The following RNF138 variants were observed in gnomAD, a reference collection of about 807,000 sequenced individuals.
RNF138 encodes E3 ubiquitin-protein ligase RNF138.
Under a neutral mutation model 31.0 loss-of-function variants are expected in RNF138, and 12 were observed. The ratio of observed to expected loss-of-function variants is 0.39; its 90% CI spans 0.25 to 0.63. The LOEUF (loss-of-function observed/expected upper bound fraction) is 0.63, where lower values mean the gene tolerates loss of function less well. Among genes scored for constraint, RNF138 ranks in the 20% least tolerant of loss-of-function variants. The probability of loss-of-function intolerance (pLI) is 0.52; values close to 1 mark genes in which losing one functional copy is unlikely to be tolerated. For missense variants in RNF138, 192 were observed against 300.1 expected, an observed-to-expected ratio of 0.64 and a Z score of 2.66; for synonymous variants, 105 against 99.5, an observed-to-expected ratio of 1.06 and a Z score of -0.33.
intron 2 of RNF138, among the ~76,000 whole-genome samples, chr18:32,107,764 G>T (rs551604513): frequency 4.1e-5 from 6 of 147,338 alleles, no homozygotes; most frequent in African/African-American, 1.5e-4. Flanking sequence ...TTATCCACCC[G>T]CCTCAGCCTC....
chr18:32,104,403 A>T (rs2039995005), intron 2 of RNF138, among the ~76,000 whole-genome samples: 1 of 152,188 alleles, frequency 6.6e-6, no homozygotes, highest in Non-Finnish European at 1.5e-5. Flanking sequence ...GTGCTTTTCT[A>T]GTTAGGAACT....
intron 2 of RNF138, among the ~76,000 whole-genome samples, chr18:32,103,679 A>G (rs1199409784): frequency 4.6e-5 from 7 of 152,246 alleles, no homozygotes; most frequent in Admixed American, 2.6e-4. Context: ...TGAAAACTTC[A>G]TGGGCCGGGT....
intron 4 of RNF138, chr18:32,122,564 C>T (rs1022625078): frequency 2.0e-5 from 3 of 152,194 alleles, no homozygotes; most frequent in African/African-American, 7.2e-5. Context: ...TGGCTCACAC[C>T]TGTAATCGCA....
intron 2 of RNF138, among the ~76,000 whole-genome samples, chr18:32,106,393 T>G (rs1386609849): frequency 6.6e-6 from 1 of 152,204 alleles, no homozygotes; most frequent in Non-Finnish European, 1.5e-5. Context: ...AGGTTATAAA[T>G]CATTTCTCCT....
In RNF138 at chr18:32,131,279, A is replaced by G. The variant is rs1379289728; in HGVS notation, c.*2092A>G. ...TGCTTTTATCTGAGAATTTCTCAGTATGAAAATGATTGTTTAAAATTTCCC... is the reference window on the plus strand; with the variant it reads ...TGCTTTTATCTGAGAATTTCTCAGTGTGAAAATGATTGTTTAAAATTTCCC... On this transcript the variant is annotated 3_prime_UTR_variant, in exon 8 of 8. Coordinates refer to ENST00000261593, the MANE Select transcript of RNF138 (RefSeq NM_016271.5). 1 of 151,994 alleles carries G rather than the reference A, an allele frequency of 6.6e-6. No individual in the cohort carries two copies. Among genetic ancestry groups the G allele is most frequent in the African/African-American group, 2.4e-5 (1 of 41,424 alleles). The allele number at this position is 151,994 out of a possible 1,614,324, so 9.4% of individuals were successfully genotyped here.
chr18:32,119,282 T>C (rs1047609524), intron 4 of RNF138, among the ~76,000 whole-genome samples: 4 of 152,204 alleles, frequency 2.6e-5, no homozygotes, highest in East Asian at 1.9e-4. Flanking sequence ...ATTTATTTTA[T>C]TGAGGCAGGG....
chr18:32,091,895 A>C lies in RNF138; in HGVS notation c.-418A>C, dbSNP rs1313019678. 6.6e-6 allele frequency: 1 copy of C among 152,178 alleles called. No homozygotes were observed. Among genetic ancestry groups the C allele is most frequent in the Non-Finnish European group, 1.5e-5 (1 of 68,062 alleles). 9.4% of individuals were successfully genotyped at this position (152,178 alleles called of 1,614,324 possible). ...AGGCGCCGTGCGCCGGTTGCTATACAGGCCGCACTTCACACCCCGTGCCTC... is the reference window on the plus strand; with the variant it reads ...AGGCGCCGTGCGCCGGTTGCTATACCGGCCGCACTTCACACCCCGTGCCTC... On this transcript the variant is annotated 5_prime_UTR_variant, in exon 1 of 8. Coordinates refer to ENST00000261593, the MANE Select transcript of RNF138 (RefSeq NM_016271.5).
At chr18:32,122,155 CTG>C (rs2040316810) in intron 4 of RNF138, among the ~76,000 whole-genome samples, 2 of 152,178 alleles carry the variant, frequency 1.3e-5, no homozygotes, top group Admixed American at 6.6e-5. Context: ...GTGTGAGCCA[CTG>C]TGCCCGGCCT....
At chr18:32,098,616 G>A (rs1435672158) in intron 2 of RNF138, among the ~76,000 whole-genome samples, 1 of 152,074 alleles carries the variant, frequency 6.6e-6, no homozygotes, top group Non-Finnish European at 1.5e-5. Flanking sequence ...ACTTTGGGAG[G>A]CCGAGGCAGG....
intron 4 of RNF138, among the ~76,000 whole-genome samples, chr18:32,117,757 T>C (rs552492038): frequency 3.9e-5 from 6 of 152,364 alleles, no homozygotes; most frequent in Non-Finnish European, 8.8e-5. Context: ...GAGGATGTTT[T>C]AGCAAAATTA....
At position 32,117,172 on chromosome 18, in the gene RNF138, GATTACAGGC is replaced by G. The variant is rs147409026; in HGVS notation, c.392+3315_392+3323del. ...CTGCCTCGGCCTCCCAAAGTGATGG[GATTACAGGC>G]ATGAACCACCCGCGCCCAGCCAGAA... On this transcript the variant is annotated intron_variant, in intron 4 of 7. Transcript: ENST00000261593. 7.2e-3 allele frequency among the ~76,000 whole-genome samples: 1,090 copies of G among 152,162 alleles called. 12 individuals are homozygous for G. Among genetic ancestry groups the G allele is most frequent in the African/African-American group, 0.024 (1,016 of 41,518 alleles).
intron 3 of RNF138, 66 bp from the exon 4 acceptor site, chr18:32,113,679 C>G: frequency 1.4e-6 from 1 of 716,126 alleles, no homozygotes; most frequent in South Asian, 2.2e-5. Flanking sequence ...TTTTTCCTCT[C>G]TTTACACTAT....
chr18:32,096,972 T>C (rs2039819377), intron 2 of RNF138, among the ~76,000 whole-genome samples: 1 of 152,182 alleles, frequency 6.6e-6, no homozygotes, highest in Non-Finnish European at 1.5e-5. Context: ...GTGCAAACCG[T>C]CCTCCTGCCT....
At position 32,130,885 on chromosome 18, in the gene RNF138, C is replaced by T. The variant is rs1196381324; in HGVS notation, c.*1698C>T. Reference sequence around the variant, plus strand: ...GTGCTTGAGCATTTTCTTTCAGTTACATGGGTGTAATTTAAAAAACAGCTC... The same window carrying T: ...GTGCTTGAGCATTTTCTTTCAGTTATATGGGTGTAATTTAAAAAACAGCTC... On this transcript the variant is annotated 3_prime_UTR_variant, in exon 8 of 8. Transcript: ENST00000261593. 1 of 147,566 alleles carries T rather than the reference C, an allele frequency of 6.8e-6. No homozygotes were observed. The highest frequency in any genetic ancestry group is 1.5e-5 in the Non-Finnish European group (1 of 66,940). 9.1% of individuals were successfully genotyped at this position (147,566 alleles called of 1,614,324 possible).
rs769135148 is a variant in RNF138 at position 32,126,710 on chromosome 18, G to C, written c.579G>C (p.Val193=). The change falls in exon 7 of 8, where the codon GTG becomes GTC. Residue 193 remains valine (V), a synonymous_variant. Coordinates refer to ENST00000261593, the MANE Select transcript of RNF138 (RefSeq NM_016271.5). ...QIVPVTCPIC[V]SLPWGDPSQI... ...TCTTATAGACATGTCCTATTTGTGT[G>C]TCTCTTCCTTGGGGAGATCCTAGCC... 1.1e-5 allele frequency: 17 copies of C among 1,591,060 alleles called. No individual in the cohort carries two copies. The African/African-American group carries it at 1.5e-4, about 14-fold the overall frequency.
rs369363220 is a variant in RNF138, at chr18:32,092,851, C to G, written c.75C>G (p.Leu25=). 189 of 1,592,334 alleles carry G rather than the reference C, an allele frequency of 1.2e-4. No individual in the cohort carries two copies. The highest frequency in any genetic ancestry group is 1.5e-4 in the Non-Finnish European group (178 of 1,172,306). The stretch of plus-strand genomic sequence containing the variant: ...ACTGCCCCGTCTGTCAGGAGGTGCT[C>G]AAAACGCCCGTGCGGACCACGGCCT... ...DFYCPVCQEV[L]KTPVRTTACQ... The change falls in exon 2 of 8, where the codon CTC becomes CTG. Residue 25 remains leucine, a synonymous_variant. Transcript: ENST00000261593.
intron 4 of RNF138, among the ~76,000 whole-genome samples, chr18:32,117,558 T>G (rs968724745): frequency 1.3e-5 from 2 of 152,230 alleles, no homozygotes; most frequent in Admixed American, 6.5e-5. Context: ...TCATACTGTT[T>G]ATTATACGTT....
At chr18:32,092,922 T>C in intron 2 of RNF138, 36 bp downstream of exon 2, 1 of 1,306,516 alleles carries the variant, frequency 7.7e-7, no homozygotes, top group Non-Finnish European at 1.0e-6. Context: ...CGGAGCCGGG[T>C]TGTCGCTTAG....
At chr18:32,109,359 G>A (rs578061056) in intron 2 of RNF138, 3 of 152,352 alleles carry the variant, frequency 2.0e-5, no homozygotes, top group South Asian at 4.2e-4. Context: ...GGCTGGTCTT[G>A]TGAGCTTAAG....
Sources: gnomAD v4.1 joint callset for allele counts (sites outside exome capture counted in the v4.1 genomes callset) on GRCh38, gnomAD v4.1.1 for gene constraint, MANE v1.5 for transcripts, NCBI Gene and HGNC (gene_info 2026-07-23, HGNC 2026-07-21) for gene names.